DNAJC1: variants seen among roughly 807,000 people sequenced by gnomAD.
The protein encoded by DNAJC1 is dnaJ homolog subfamily C member 1.
A neutral mutation model predicts 76.6 loss-of-function variants in DNAJC1; 58 were observed. That is an observed-to-expected ratio of 0.76 (90% CI 0.61 to 0.94). The LOEUF (loss-of-function observed/expected upper bound fraction) is 0.94, where lower values mean the gene tolerates loss of function less well. Among genes scored for constraint, DNAJC1 ranks in the 40% least tolerant of loss-of-function variants. The pLI, the probability that DNAJC1 is intolerant of heterozygous loss-of-function variation, is 0.00. For missense variants in DNAJC1, 689 were observed against 677.3 expected, an observed-to-expected ratio of 1.02 and a Z score of -0.19; for synonymous variants, 258 against 267.9, an observed-to-expected ratio of 0.96 and a Z score of 0.36.
chr10:21,907,525 G>A (rs1026212639), intron 6 of DNAJC1, among the ~76,000 whole-genome samples: 1 of 152,094 alleles, frequency 6.6e-6, no homozygotes, highest in Non-Finnish European at 1.5e-5. Flanking sequence ...TGATTAAATA[G>A]GGAGGCAGCT....
At chr10:21,933,615 GC>G (rs1837261316) in intron 1 of DNAJC1, among the ~76,000 whole-genome samples, 1 of 151,898 alleles carries the variant, frequency 6.6e-6, no homozygotes. Context: ...GGAAGGCATG[GC>G]CCCAAGATAT....
At chr10:21,941,242 C>A (rs1355252102) in intron 1 of DNAJC1, among the ~76,000 whole-genome samples, 3 of 123,258 alleles carry the variant, frequency 2.4e-5, no homozygotes, top group African/African-American at 9.2e-5. Context: ...ACACTCCAGC[C>A]TGGGCGACAG....
At chr10:21,874,382 T>C (rs1343551411) in intron 8 of DNAJC1, among the ~76,000 whole-genome samples, 1 of 151,088 alleles carries the variant, frequency 6.6e-6, no homozygotes, top group Non-Finnish European at 1.5e-5. Flanking sequence ...ATTATGCCAC[T>C]GTGCTCCAGC....
At chr10:21,797,488 AT>A (rs1452043068) in intron 9 of DNAJC1, among the ~76,000 whole-genome samples, 3 of 152,270 alleles carry the variant, frequency 2.0e-5, no homozygotes, top group Middle Eastern at 3.4e-3. Context: ...TAAATCAATA[AT>A]TTTTTTAAAC....
chr10:21,778,115 G>A (rs549478791), intron 9 of DNAJC1, among the ~76,000 whole-genome samples: 14 of 152,294 alleles, frequency 9.2e-5, no homozygotes, highest in African/African-American at 3.4e-4. Flanking sequence ...CTTGAACCCA[G>A]GAGGCAGAGG....
intron 1 of DNAJC1, among the ~76,000 whole-genome samples, chr10:21,938,148 A>G (rs1837343933): frequency 6.6e-6 from 1 of 152,154 alleles, no homozygotes; most frequent in Non-Finnish European, 1.5e-5. Context: ...TAATGTTAAT[A>G]GTTAATCATA....
In DNAJC1 at chr10:21,894,298, C is replaced by T. The variant is rs532333013; in HGVS notation, c.820+10224G>A. On this transcript the variant is annotated intron_variant, in intron 7 of 11. Coordinates refer to ENST00000376980, the MANE Select transcript of DNAJC1 (RefSeq NM_022365.4). ...GAAAATAGAAGAGGAAGGCTGGGCA[C>T]GACGGCTCACGTCTGTAATCCCAAC... Among the ~76,000 whole-genome samples, 6 of 152,252 alleles carry T rather than the reference C, an allele frequency of 3.9e-5. 1 individual carries two copies. In the South Asian group the frequency reaches 1.0e-3, roughly 26 times the overall value.
chr10:21,893,454 C>T (rs1836488300), intron 7 of DNAJC1, among the ~76,000 whole-genome samples: 1 of 151,746 alleles, frequency 6.6e-6, no homozygotes, highest in African/African-American at 2.4e-5. Context: ...ATGGTAAAAC[C>T]TTATCTCTAC....
chr10:21,766,693 G>A (rs1177104386), intron 9 of DNAJC1, among the ~76,000 whole-genome samples: 4 of 151,850 alleles, frequency 2.6e-5, no homozygotes, highest in Non-Finnish European at 2.9e-5. Flanking sequence ...TTTCAAGGCC[G>A]GGCATGGTGG....
Position 21,907,312 on chromosome 10 carries a change from T to G in DNAJC1, c.730-2700A>C, listed in dbSNP as rs574302133. ...GCATTTATTTAAACATTCCTCATGT[T>G]TTTTTTTTTTCATATCTTACCTATG... On this transcript the variant is annotated intron_variant, in intron 6 of 11. Coordinates refer to ENST00000376980, the MANE Select transcript of DNAJC1 (RefSeq NM_022365.4). 4.8e-4 allele frequency among the ~76,000 whole-genome samples: 71 copies of G among 149,310 alleles called. 1 individual carries two copies. The South Asian group carries it at 5.7e-3, about 12-fold the overall frequency.
intron 9 of DNAJC1, among the ~76,000 whole-genome samples, chr10:21,786,830 T>A (rs1329191550): frequency 6.6e-6 from 1 of 152,180 alleles, no homozygotes; most frequent in Non-Finnish European, 1.5e-5. Flanking sequence ...TTGCTGTTAA[T>A]GTTATTTTCT....
chr10:21,862,851 G>A (rs1409485199), intron 8 of DNAJC1, among the ~76,000 whole-genome samples: 4 of 152,098 alleles, frequency 2.6e-5, no homozygotes, highest in Non-Finnish European at 5.9e-5. Context: ...GGAAGACCAA[G>A]GCTAGGCGAG....
intron 1 of DNAJC1, among the ~76,000 whole-genome samples, chr10:21,976,171 T>C (rs780422928): frequency 3.9e-5 from 6 of 152,216 alleles, no homozygotes; most frequent in Non-Finnish European, 7.4e-5. Context: ...GGAAACTGTA[T>C]TCATCTTCCT....
intron 9 of DNAJC1, among the ~76,000 whole-genome samples, chr10:21,792,758 CA>C (rs1287180845): frequency 0.046 from 3,045 of 65,772 alleles, 56 homozygotes; most frequent in African/African-American, 0.098. Flanking sequence ...GACAACACCT[CA>C]AAAAAAAAAA....
At chr10:21,786,254 A>T (rs548280527) in intron 9 of DNAJC1, among the ~76,000 whole-genome samples, 2 of 151,978 alleles carry the variant, frequency 1.3e-5, no homozygotes, top group South Asian at 2.1e-4. Flanking sequence ...TTACAATATG[A>T]TAAAGATAAG....
chr10:21,839,778 G>A (rs1835539930), intron 8 of DNAJC1, among the ~76,000 whole-genome samples: 3 of 152,136 alleles, frequency 2.0e-5, no homozygotes, highest in Admixed American at 6.5e-5. Context: ...TGATACCAAA[G>A]CCTGGCAGAG....
intron 1 of DNAJC1, among the ~76,000 whole-genome samples, chr10:21,991,503 T>C (rs951887664): frequency 6.6e-6 from 1 of 152,068 alleles, no homozygotes; most frequent in African/African-American, 2.4e-5. Context: ...ACTAGGAATA[T>C]GATAGCTAGC....
intron 9 of DNAJC1, among the ~76,000 whole-genome samples, chr10:21,781,258 A>G (rs1172290892): frequency 1.3e-5 from 2 of 152,220 alleles, no homozygotes; most frequent in Non-Finnish European, 2.9e-5. Context: ...ATAGACATCA[A>G]CAGAACTCTC....
intron 1 of DNAJC1, among the ~76,000 whole-genome samples, chr10:21,953,750 C>A (rs1228392699): frequency 6.7e-6 from 1 of 149,040 alleles, no homozygotes; most frequent in African/African-American, 2.5e-5. Context: ...TGAGTTCTTG[C>A]CCTAACCTTC....
Sources: allele counts gnomAD v4.1 joint callset (sites outside exome capture counted in the v4.1 genomes callset), GRCh38; gene constraint gnomAD v4.1.1; transcripts MANE v1.5; gene names NCBI Gene and HGNC (gene_info 2026-07-23, HGNC 2026-07-21).